HINT2: variants seen among roughly 807,000 people sequenced by gnomAD.
HINT2 encodes the protein adenosine 5'-monophosphoramidase HINT2.
In HINT2, 17 loss-of-function variants were observed where a neutral mutation model predicts 20.0. The ratio of observed to expected loss-of-function variants is 0.85; its 90% confidence interval spans 0.58 to 1.27. The LOEUF is 1.27. HINT2 is among the 50% of genes most tolerant of loss of function. The pLI is 0.00. For missense variants in HINT2, 217 were observed against 211.9 expected (o/e 1.02, Z -0.15); for synonymous variants, 96 against 84.2 (o/e 1.14, Z -0.77).
In HINT2 at chr9:35,813,441, C is replaced by T. The variant is rs369611849; in HGVS notation, c.327+4G>A. 1.4e-4 allele frequency: 220 copies of T among 1,613,978 alleles called. No individual in the cohort carries two copies. The highest frequency in any genetic ancestry group is 1.8e-4 in the Non-Finnish European group (215 of 1,179,966). Reference sequence around the variant, plus strand: ...CAGCCAAACCCTGGCCCTGTTCTTCCCACCTGCTGGTCTTCTTCTTCAGCC... The same window carrying T: ...CAGCCAAACCCTGGCCCTGTTCTTCTCACCTGCTGGTCTTCTTCTTCAGCC... On this transcript the variant is annotated splice_donor_region_variant and intron_variant, in intron 3 of 4. Transcript: ENST00000259667.
At chr9:35,813,927 G>C (rs1828938684) in intron 1 of HINT2, 143 bp from the exon 2 acceptor site, 2 of 897,642 alleles carry the variant, frequency 2.2e-6, no homozygotes, top group African/African-American at 3.3e-5. Context: ...AGCAGCAAAG[G>C]GTAGGGCCAG....
At position 35,813,355 on chromosome 9, in the gene HINT2, G is replaced by A. The variant is rs758191904; in HGVS notation, c.328-17C>T. The A allele has an allele frequency of 1.2e-5, 19 of 1,612,354 alleles. 1 individual carries two copies. The South Asian group carries it at 1.8e-4, about 15-fold the overall frequency. On this transcript the variant is annotated splice_polypyrimidine_tract_variant and intron_variant, in intron 3 of 4. Coordinates refer to ENST00000259667, the MANE Select transcript of HINT2 (RefSeq NM_032593.3). Reference sequence around the variant, plus strand: ...TCCTAGAAGCTATAGAGAGAGCGGAGGGACATAGGTGGCTTCATTCATAGG... The same window carrying A: ...TCCTAGAAGCTATAGAGAGAGCGGAAGGACATAGGTGGCTTCATTCATAGG...
intron 1 of HINT2, chr9:35,814,195 C>T (rs1395626688): frequency 1.2e-5 from 2 of 173,476 alleles, no homozygotes; most frequent in African/African-American, 4.8e-5. Flanking sequence ...TCTTTCCACT[C>T]TCACCTTGTT....
Position 35,813,729 on chromosome 9 carries a change from G to A in HINT2, c.137C>T (p.Ala46Val). The A allele has an allele frequency of 6.2e-7, 1 of 1,614,018 alleles. No homozygotes were observed. Among genetic ancestry groups the A allele is most frequent in the Non-Finnish European group, 8.5e-7 (1 of 1,179,894 alleles). Residue 46 changes from alanine to valine, a missense_variant, in exon 2 of 5, where the codon GCA becomes GTA. Coordinates refer to ENST00000259667, the MANE Select transcript of HINT2 (RefSeq NM_032593.3). ...GGTTGGGGCTGCTCCCCCAGGAGTTGCCTGCTGGGCCTTGGCCACTTCATT... is the reference window on the plus strand; with the variant it reads ...GGTTGGGGCTGCTCCCCCAGGAGTTACCTGCTGGGCCTTGGCCACTTCATT... The part of the protein sequence containing the change: ...DGNEVAKAQQ[A>V]TPGGAAPTIF...
In HINT2 at chr9:35,812,998, T is replaced by C; in HGVS notation, c.*56A>G. 5 of 1,365,768 alleles carry C rather than the reference T, an allele frequency of 3.7e-6. No homozygotes were observed. Among genetic ancestry groups the C allele is most frequent in the Non-Finnish European group, 4.2e-6 (4 of 953,362 alleles). 84.6% of individuals were successfully genotyped at this position (1,365,768 alleles called of 1,614,324 possible). A position where few individuals can be genotyped will look rare whatever the true frequency, so the allele number is the denominator to read the frequency against. Reference sequence around the variant, plus strand: ...GTTTTATTAGCATCACAGGGTCCATTTTTCCCTTTCCATCCAAGCATCCAG... The same window carrying C: ...GTTTTATTAGCATCACAGGGTCCATCTTTCCCTTTCCATCCAAGCATCCAG... On this transcript the variant is annotated 3_prime_UTR_variant, in exon 5 of 5. Coordinates refer to ENST00000259667, the MANE Select transcript of HINT2 (RefSeq NM_032593.3).
intron 4 of HINT2, 47 bp from the exon 5 acceptor site, chr9:35,813,192 G>A (rs781660788): frequency 1.3e-5 from 21 of 1,611,174 alleles, no homozygotes; most frequent in Admixed American, 8.3e-5. Context: ...GGCAGAGGTC[G>A]AAGAATGAAG....
chr9:35,813,809 A>G (rs1588085074), intron 1 of HINT2, 25 bp from the exon 2 acceptor site: 2 of 1,597,050 alleles, frequency 1.3e-6, no homozygotes, highest in Non-Finnish European at 1.7e-6. Flanking sequence ...ACCATATTCA[A>G]AGGAGGGAGC....
intron 1 of HINT2, 39 bp from the exon 2 acceptor site, chr9:35,813,823 C>A (rs770230594): frequency 1.3e-6 from 2 of 1,582,812 alleles, no homozygotes; most frequent in African/African-American, 2.7e-5. Context: ...AGGGAGCTGG[C>A]AGAAGCTGGG....
chr9:35,813,434 G>C lies in HINT2; in HGVS notation c.327+11C>G. On this transcript the variant is annotated intron_variant, in intron 3 of 4. Transcript: ENST00000259667. ...CTCCTCCCAGCCAAACCCTGGCCCT[G>C]TTCTTCCCACCTGCTGGTCTTCTTC... is the stretch of plus-strand genomic sequence containing the variant. 1 of 1,613,974 alleles carries C rather than the reference G, an allele frequency of 6.2e-7. No individual in the cohort carries two copies. The highest frequency in any genetic ancestry group is 1.3e-5 in the African/African-American group (1 of 75,042).
intron 1 of HINT2, chr9:35,814,018 C>G (rs1329948449): frequency 1.9e-5 from 10 of 537,620 alleles, no homozygotes; most frequent in South Asian, 9.0e-5. Flanking sequence ...CATGTGTCCA[C>G]GAAATATAGC....
chr9:35,812,983 C>G lies in HINT2; in HGVS notation c.*71G>C. ...AATTAAGGGAGAACAGTTTTATTAG[C>G]ATCACAGGGTCCATTTTTCCCTTTC... On this transcript the variant is annotated 3_prime_UTR_variant, in exon 5 of 5. Coordinates refer to ENST00000259667, the MANE Select transcript of HINT2 (RefSeq NM_032593.3). 8.8e-7 allele frequency: 1 copy of G among 1,133,968 alleles called. No homozygotes were observed. Among genetic ancestry groups the G allele is most frequent in the South Asian group, 1.2e-5 (1 of 81,602 alleles). 70.2% of individuals were successfully genotyped at this position (1,133,968 alleles called of 1,614,324 possible). A position where few individuals can be genotyped will look rare whatever the true frequency, so the allele number is the denominator to read the frequency against.
At position 35,813,696 on chromosome 9, in the gene HINT2, GAGA is replaced by G. The variant is rs763311269; in HGVS notation, c.167_169del (p.Phe56del). On this transcript the variant is annotated inframe_deletion, in exon 2 of 5. Transcript: ENST00000259667. ...TGGGAGGCTCTTGTCCAGGATCCGG[GAGA>G]AGATGGTTGGGGCTGCTCCCCCAGG... The G allele has an allele frequency of 2.6e-5, 42 of 1,614,210 alleles. No homozygotes were observed. Among genetic ancestry groups the G allele is most frequent in the Admixed American group, 1.0e-4 (6 of 60,036 alleles).
intron 1 of HINT2, chr9:35,814,159 CATA>C: frequency 5.3e-6 from 1 of 189,776 alleles, no homozygotes; most frequent in Non-Finnish European, 1.1e-5. Context: ...GGATGGTTTC[CATA>C]ATCTCTTGCG....
rs775599864 is a variant in HINT2 at position 35,813,139 on chromosome 9, T to C, written c.407A>G (p.Asn136Ser). The C allele has an allele frequency of 5.6e-6, 9 of 1,614,200 alleles. No individual in the cohort carries two copies. Among genetic ancestry groups the C allele is most frequent in the Non-Finnish European group, 7.6e-6 (9 of 1,180,030 alleles). ...AGATTGTGCACCCAGCTTCCCATCG[T>C]TGATCACTGAAATTGAGCTTGGGGT... ...GLGDGYRLVI[N>S]DGKLGAQSVY... is the part of the protein sequence containing the mutation. Residue 136 changes from asparagine (N) to serine (S), a missense_variant, in exon 5 of 5, where the codon AAC becomes AGC. Coordinates refer to ENST00000259667, the MANE Select transcript of HINT2 (RefSeq NM_032593.3).
In HINT2 at chr9:35,813,095, GA is replaced by G; in HGVS notation, c.450del (p.His151MetfsTer18). 6.2e-7 allele frequency: 1 copy of G among 1,614,232 alleles called. No homozygotes were observed. The highest frequency in any genetic ancestry group is 8.5e-7 in the Non-Finnish European group (1 of 1,180,034). On this transcript the variant is annotated frameshift_variant, in exon 5 of 5. Transcript: ENST00000259667. LOFTEE classifies it high-confidence loss of function. The part of the protein sequence containing the change: ...LGAQSVYHLH[I>X]HVLGGRQLQW... ...TGGAGCTGCCGGCCCCCAAGTACAT[GA>G]ATGTGCAGATGATACACAGATTGTG... is the stretch of plus-strand genomic sequence containing the variant.
At chr9:35,813,605 A>G (rs1588084703) in intron 2 of HINT2, 39 bp downstream of exon 2, 2 of 1,614,000 alleles carry the variant, frequency 1.2e-6, no homozygotes, top group East Asian at 2.2e-5. Flanking sequence ...GATGGTATCT[A>G]CAACATTCCT....
intron 1 of HINT2, chr9:35,814,691 C>G (rs1828969214): frequency 3.9e-6 from 2 of 519,318 alleles, no homozygotes; most frequent in Non-Finnish European, 3.3e-6. Context: ...ACCTCGGCGC[C>G]CCGGCCTGCG....
Position 35,813,764 on chromosome 9 carries a change from C to A in HINT2, c.102G>T (p.Val34=). The A allele has an allele frequency of 1.2e-6, 2 of 1,613,502 alleles. No individual in the cohort carries two copies. The highest frequency in any genetic ancestry group is 1.7e-6 in the Non-Finnish European group (2 of 1,179,692). Residue 34 remains valine (V), a synonymous_variant, in exon 2 of 5, where the codon GTG becomes GTT. Coordinates refer to ENST00000259667, the MANE Select transcript of HINT2 (RefSeq NM_032593.3). The part of the protein sequence containing the change: ...RGGQVRGAAG[V]TDGNEVAKAQ... ...CCTTGGCCACTTCATTCCCATCAGT[C>A]ACACCTGCAGCTCCTCGGACCTGAA...
upstream of HINT2, chr9:35,815,110 G>T: frequency 1.2e-6 from 1 of 828,314 alleles, no homozygotes. Context: ...ATTGGAGCGC[G>T]CCTCTGAGCA....
Sources: allele counts gnomAD v4.1 joint callset, GRCh38; gene constraint gnomAD v4.1.1; transcripts MANE v1.5; gene names NCBI Gene and HGNC (gene_info 2026-07-23, HGNC 2026-07-21).